NXPE1: variants seen among roughly 807,000 people sequenced by gnomAD.
NXPE1 encodes NXPE family member 1.
A neutral mutation model predicts 33.3 loss-of-function variants in NXPE1; 31 were observed. That is an observed-to-expected ratio of 0.93 (90% CI 0.70 to 1.26). The LOEUF (loss-of-function observed/expected upper bound fraction) is 1.26, where lower values mean the gene tolerates loss of function less well. NXPE1 is among the 50% of genes most tolerant of loss of function. The probability of loss-of-function intolerance (pLI) is 0.00; values close to 1 mark genes in which losing one functional copy is unlikely to be tolerated. For missense variants in NXPE1, 661 were observed against 655.6 expected, an observed-to-expected ratio of 1.01 and a Z score of -0.09; for synonymous variants, 229 against 231.4, an observed-to-expected ratio of 0.99 and a Z score of 0.09.
At chr11:114,545,123 A>C (rs1948229561) in intron 5 of NXPE1, among the ~76,000 whole-genome samples, 2 of 152,232 alleles carry the variant, frequency 1.3e-5, no homozygotes, top group Admixed American at 6.5e-5. Context: ...TGGGAATCCA[A>C]AATGGCACAG....
chr11:114,550,871 C>A (rs550206883), intron 5 of NXPE1, among the ~76,000 whole-genome samples: 1 of 151,974 alleles, frequency 6.6e-6, no homozygotes, highest in Non-Finnish European at 1.5e-5. Flanking sequence ...ATTTTGGGAG[C>A]GTGTGCAAGG....
At chr11:114,540,836 T>G in intron 5 of NXPE1, among the ~76,000 whole-genome samples, 1 of 93,626 alleles carries the variant, frequency 1.1e-5, no homozygotes, top group African/African-American at 4.0e-5. Flanking sequence ...TAGAAAGCCA[T>G]CTTTTTTTTT....
intron 5 of NXPE1, among the ~76,000 whole-genome samples, chr11:114,550,043 CA>C (rs1367432654): frequency 6.6e-6 from 1 of 151,936 alleles, no homozygotes; most frequent in Non-Finnish European, 1.5e-5. Flanking sequence ...GGAAAACTCA[CA>C]AAACACTACT....
intron 5 of NXPE1, among the ~76,000 whole-genome samples, chr11:114,548,012 CAA>C (rs1948339434): frequency 1.3e-5 from 2 of 150,796 alleles, no homozygotes; most frequent in Admixed American, 6.6e-5. Context: ...AGAGATTGAA[CAA>C]TTAAATACCA....
chr11:114,555,465 T>C (rs1294672033), intron 1 of NXPE1, among the ~76,000 whole-genome samples: 1 of 152,200 alleles, frequency 6.6e-6, no homozygotes, highest in Non-Finnish European at 1.5e-5. Flanking sequence ...GACCTTGTGA[T>C]CTGCCTGCCT....
At chr11:114,529,609 T>G (rs1947500617) in intron 6 of NXPE1, 1 of 153,158 alleles carries the variant, frequency 6.5e-6, no homozygotes, top group Non-Finnish European at 1.5e-5. Context: ...TAAGAAGGAC[T>G]CCTCCACCCT....
intron 5 of NXPE1, among the ~76,000 whole-genome samples, chr11:114,532,875 G>T (rs1410481578): frequency 2.0e-5 from 3 of 152,078 alleles, no homozygotes; most frequent in African/African-American, 4.8e-5. Flanking sequence ...TATATTAATG[G>T]ATTAAAGATA....
chr11:114,552,670 A>G (rs1402476341), intron 2 of NXPE1, among the ~76,000 whole-genome samples, 182 bp downstream of exon 2: 1 of 151,984 alleles, frequency 6.6e-6, no homozygotes, highest in Non-Finnish European at 1.5e-5. Context: ...TGAATTTTGT[A>G]AAGTATGAGT....
chr11:114,551,235 G>C, intron 4 of NXPE1, 24 bp from the exon 5 acceptor site: 2 of 1,435,710 alleles, frequency 1.4e-6, no homozygotes, highest in Middle Eastern at 1.7e-4. Context: ...CACAAGAGAG[G>C]AGTCGTGAGA....
In NXPE1 at chr11:114,521,944, G is replaced by A. The variant is rs1947220569; in HGVS notation, c.*24C>T. On this transcript the variant is annotated 3_prime_UTR_variant, in exon 9 of 9. Coordinates refer to ENST00000534921, the Ensembl canonical transcript of NXPE1. ...GATTATGTGCAGAGATTGGTTCCTA[G>A]TGATTTTGTATAGTATTTATCCCTT... 2.0e-6 allele frequency: 3 copies of A among 1,534,550 alleles called. No individual in the cohort carries two copies. In the African/African-American group the frequency reaches 4.1e-5, roughly 21 times the overall value.
intron 5 of NXPE1, among the ~76,000 whole-genome samples, chr11:114,544,663 T>A (rs1407215598): frequency 6.6e-6 from 1 of 152,124 alleles, no homozygotes; most frequent in Non-Finnish European, 1.5e-5. Context: ...CTTGAGCTGT[T>A]GATGAGGTTT....
At chr11:114,534,798 C>T (rs548881896) in intron 5 of NXPE1, among the ~76,000 whole-genome samples, 21 of 152,270 alleles carry the variant, frequency 1.4e-4, no homozygotes, top group South Asian at 4.1e-4. Context: ...ACCAAATCTA[C>T]GTCTAATTGG....
chr11:114,554,776 TGAA>T (rs1385601138), intron 1 of NXPE1, among the ~76,000 whole-genome samples: 1 of 152,212 alleles, frequency 6.6e-6, no homozygotes, highest in Non-Finnish European at 1.5e-5. Flanking sequence ...AATTCATAAT[TGAA>T]GAGATTACTA....
chr11:114,529,899 G>A (rs1271433389), intron 6 of NXPE1: 2 of 367,262 alleles, frequency 5.4e-6, no homozygotes, highest in South Asian at 1.3e-4. Context: ...GAGCATGGAT[G>A]TTATCATACA....
At chr11:114,533,123 G>C in intron 5 of NXPE1, among the ~76,000 whole-genome samples, 1 of 152,166 alleles carries the variant, frequency 6.6e-6, no homozygotes, top group Non-Finnish European at 1.5e-5. Context: ...CAAGGTATGA[G>C]AATGATGGGG....
At position 114,549,494 on chromosome 11, in the gene NXPE1, A is replaced by G. The variant is rs11215051; in HGVS notation, c.99+1609T>C. ...TAATACAGCTAATGTGAGGAATTAC[A>G]TGATTATCTTCATAAAAGCACAATA... On this transcript the variant is annotated intron_variant, in intron 5 of 8. Coordinates refer to ENST00000534921, the Ensembl canonical transcript of NXPE1. 2.4e-3 allele frequency among the ~76,000 whole-genome samples: 371 copies of G among 152,196 alleles called. 2 individuals carry two copies. Among genetic ancestry groups the G allele is most frequent in the South Asian group, 0.013 (65 of 4,830 alleles).
intron 6 of NXPE1, chr11:114,529,295 T>C (rs1369124197): frequency 6.5e-6 from 1 of 153,208 alleles, no homozygotes; most frequent in Non-Finnish European, 1.5e-5. Context: ...AGCAAAAGTC[T>C]CTGGAACTGA....
At chr11:114,532,663 C>T (rs890845129) in intron 5 of NXPE1, among the ~76,000 whole-genome samples, 13 of 151,996 alleles carry the variant, frequency 8.6e-5, no homozygotes, top group Admixed American at 5.9e-4. Context: ...AAAGTACAGG[C>T]CCATTTTATT....
At chr11:114,551,803 A>T (rs1291892928) in intron 3 of NXPE1, among the ~76,000 whole-genome samples, 171 bp downstream of exon 3, 3 of 152,136 alleles carry the variant, frequency 2.0e-5, no homozygotes, top group Non-Finnish European at 4.4e-5. Context: ...AGGAAGGGGG[A>T]AGAAGGAGAT....
Sources: allele counts gnomAD v4.1 joint callset (sites outside exome capture counted in the v4.1 genomes callset), GRCh38; gene constraint gnomAD v4.1.1; transcripts MANE v1.5; gene names NCBI Gene and HGNC (gene_info 2026-07-23, HGNC 2026-07-21).